METRN: variants seen among roughly 807,000 people sequenced by gnomAD.
METRN encodes the protein meteorin.
METRN carries 17 observed loss-of-function variants against 17.4 expected under a neutral mutation model. That is an observed-to-expected ratio of 0.98 (90% CI 0.67 to 1.46). METRN has a LOEUF of 1.46. METRN is among the 40% of genes most tolerant of loss of function. The pLI is 0.00. For synonymous variants in METRN, 230 were observed against 210.8 expected (o/e 1.09, Z -0.79); for missense variants, 489 against 456.2 (o/e 1.07, Z -0.65).
rs2040151129 is a variant in METRN at position 715,343 on chromosome 16, C to A, written c.54C>A (p.Ala18=). Residue 18 remains alanine, a synonymous_variant, in exon 1 of 4, where the codon GCC becomes GCA. Transcript: ENST00000568223. ...LLCALCCGLL[A]PAARAGYSEE... The stretch of plus-strand genomic sequence containing the variant: ...GCGCGCTGTGCTGCGGCCTCCTGGC[C>A]CCGGCTGCCCGCGCCGGCTACTCCG... 1.5e-6 allele frequency: 2 copies of A among 1,341,628 alleles called. No homozygotes were observed. The highest frequency in any genetic ancestry group is 3.5e-5 in the South Asian group (2 of 56,400). 83.1% of individuals were successfully genotyped at this position (1,341,628 alleles called of 1,614,324 possible). A position where few individuals can be genotyped will look rare whatever the true frequency, so the allele number is the denominator to read the frequency against.
chr16:716,769 A>G, intron 2 of METRN, 164 bp from the exon 3 acceptor site: 5 of 1,533,520 alleles, frequency 3.3e-6, no homozygotes, highest in Non-Finnish European at 4.4e-6. Context: ...GGGCGTGCAC[A>G]TCTGCTGTGT....
chr16:717,352 G>T lies in METRN; in HGVS notation c.847G>T (p.Ala283Ser). The change falls in exon 4 of 4, where the codon GCC becomes TCC. Residue 283 changes from alanine (A) to serine (S), a missense_variant. Coordinates refer to ENST00000568223, the MANE Select transcript of METRN (RefSeq NM_024042.4). Reference sequence around the variant, plus strand: ...CCGTGCCTACGAGGCTGCCCGTGCTGCCCACCTCCACCCCTGCGAGGTGGC... The same window carrying T: ...CCGTGCCTACGAGGCTGCCCGTGCTTCCCACCTCCACCCCTGCGAGGTGGC... ...FRRAYEAARA[A>S]HLHPCEVALH The T allele has an allele frequency of 7.0e-7, 1 of 1,419,746 alleles. No individual in the cohort carries two copies. Among genetic ancestry groups the T allele is most frequent in the Non-Finnish European group, 9.2e-7 (1 of 1,088,882 alleles). 87.9% of individuals were successfully genotyped at this position (1,419,746 alleles called of 1,614,324 possible). A position where few individuals can be genotyped will look rare whatever the true frequency, so the allele number is the denominator to read the frequency against.
rs773462880 is a variant in METRN at position 715,258 on chromosome 16, G to A, written c.-32G>A. 93 of 1,230,502 alleles carry A rather than the reference G, an allele frequency of 7.6e-5. No homozygotes were observed. The highest frequency in any genetic ancestry group is 5.7e-5 in the Non-Finnish European group (55 of 972,794). The allele number at this position is 1,230,502 out of a possible 1,614,324, so 76.2% of individuals were successfully genotyped here. The stretch of plus-strand genomic sequence containing the variant: ...CCCCGCCGGGGCAGCGGTGGTGAGA[G>A]CCCCGACTCCCCGGACGCCGCCCGC... On this transcript the variant is annotated 5_prime_UTR_variant, in exon 1 of 4. Coordinates refer to ENST00000568223, the MANE Select transcript of METRN (RefSeq NM_024042.4).
At chr16:716,005 G>C (rs1191370793) in intron 2 of METRN, 21 bp downstream of exon 2, 2 of 1,444,656 alleles carry the variant, frequency 1.4e-6, no homozygotes, top group Non-Finnish European at 9.1e-7. Flanking sequence ...GTCTGGTTGG[G>C]ACAGGGTGGG....
rs1193020807 is a variant in METRN, at chr16:716,761, G to T, written c.506-172G>T. The T allele has an allele frequency of 5.2e-6, 8 of 1,534,620 alleles. No homozygotes were observed. In the Admixed American group the frequency reaches 1.6e-4, roughly 30 times the overall value. On this transcript the variant is annotated intron_variant, in intron 2 of 3. Coordinates refer to ENST00000568223, the MANE Select transcript of METRN (RefSeq NM_024042.4). ...TTCCTGAGTACAGGTGTCGCCGAGGGCGTGCACATCTGCTGTGTAGCTCTC... is the reference window on the plus strand; with the variant it reads ...TTCCTGAGTACAGGTGTCGCCGAGGTCGTGCACATCTGCTGTGTAGCTCTC...
Position 715,778 on chromosome 16 carries a change from G to T in METRN, c.299G>T (p.Gly100Val). ...AGAQVFAERAGGALELLLAEG... is the reference protein window; with the variant it reads ...AGAQVFAERAVGALELLLAEG... ...GCCCAGGTCTTCGCGGAGCGCGCAG[G>T]GGGCGCCCTGGAGCTGCTGCTGGCC... Residue 100 changes from glycine to valine, a missense_variant, in exon 2 of 4, where the codon GGG (glycine) becomes GTG (valine). Transcript: ENST00000568223. The T allele has an allele frequency of 7.9e-7, 1 of 1,260,434 alleles. No homozygotes were observed. The highest frequency in any genetic ancestry group is 9.9e-7 in the Non-Finnish European group (1 of 1,006,032). 78.1% of individuals were successfully genotyped at this position (1,260,434 alleles called of 1,614,324 possible).
At position 717,499 on chromosome 16, in the gene METRN, T is replaced by C; in HGVS notation, c.*112T>C. 1 of 1,073,504 alleles carries C rather than the reference T, an allele frequency of 9.3e-7. No individual in the cohort carries two copies. Among genetic ancestry groups the C allele is most frequent in the Non-Finnish European group, 1.2e-6 (1 of 808,068 alleles). The allele number at this position is 1,073,504 out of a possible 1,614,324, so 66.5% of individuals were successfully genotyped here. On this transcript the variant is annotated 3_prime_UTR_variant, in exon 4 of 4. Transcript: ENST00000568223. ...CACGCAAGCTGCTGTGGACCTGGTC[T>C]CCTGTGTCCAGCCCAGCCTTGGGCC...
rs2040158111 is a variant in METRN, at chr16:715,951, C to G, written c.472C>G (p.Leu158Val). 1 of 1,498,178 alleles carries G rather than the reference C, an allele frequency of 6.7e-7. No homozygotes were observed. The highest frequency in any genetic ancestry group is 1.2e-5 in the South Asian group (1 of 81,458). 92.8% of individuals were successfully genotyped at this position (1,498,178 alleles called of 1,614,324 possible). A position where few individuals can be genotyped will look rare whatever the true frequency, so the allele number is the denominator to read the frequency against. Residue 158 changes from leucine (L) to valine (V), a missense_variant, in exon 2 of 4, where the codon CTG becomes GTG. Coordinates refer to ENST00000568223, the MANE Select transcript of METRN (RefSeq NM_024042.4). ...GCTGCGCGAGGACGGGCGCCCCGAG[C>G]TGCCCCCGCAGGCCCACGGTCTCGG... ...FELREDGRPE[L>V]PPQAHGLGVD...
chr16:717,775 C>G lies in METRN; in HGVS notation c.*388C>G, dbSNP rs138186865. The stretch of plus-strand genomic sequence containing the variant: ...CCCGCACCCTTGCCTGCTTCCCTGG[C>G]TGGCTCCCACTTGCCTCCCGTGCCA... On this transcript the variant is annotated 3_prime_UTR_variant, in exon 4 of 4. Transcript: ENST00000568223. 1.4e-3 allele frequency: 279 copies of G among 193,132 alleles called. 2 individuals are homozygous for G. Among genetic ancestry groups the G allele is most frequent in the African/African-American group, 5.8e-3 (250 of 43,158 alleles). 12.0% of individuals were successfully genotyped at this position (193,132 alleles called of 1,614,324 possible).
intron 1 of METRN, 72 bp downstream of exon 1, chr16:715,465 G>A (rs987451737): frequency 8.0e-7 from 1 of 1,256,888 alleles, no homozygotes; most frequent in East Asian, 3.2e-5. Context: ...GGCGCCCCTC[G>A]GAGCGCGCAG....
intron 2 of METRN, 94 bp from the exon 3 acceptor site, chr16:716,839 G>A: frequency 2.0e-6 from 3 of 1,492,982 alleles, no homozygotes; most frequent in Admixed American, 2.1e-5. Flanking sequence ...TCATTTGCCT[G>A]CTGCCTCCTG....
chr16:717,067 A>T lies in METRN; in HGVS notation c.566-4A>T, dbSNP rs375623074. 6.2e-7 allele frequency: 1 copy of T among 1,611,252 alleles called. No individual in the cohort carries two copies. The highest frequency in any genetic ancestry group is 8.5e-7 in the Non-Finnish European group (1 of 1,179,152). On this transcript the variant is annotated splice_polypyrimidine_tract_variant and splice_region_variant and intron_variant, in intron 3 of 3. Transcript: ENST00000568223. ...GCCTACCGCAGCCACATGCCTCCCC[A>T]CAGTAATTCACGGGATCATCCATGG... is the stretch of plus-strand genomic sequence containing the variant.
rs1443407974 is a variant in METRN, at chr16:717,410, C to A, written c.*23C>A. 1.7e-6 allele frequency: 2 copies of A among 1,167,674 alleles called. No homozygotes were observed. Among genetic ancestry groups the A allele is most frequent in the Non-Finnish European group, 2.2e-6 (2 of 897,252 alleles). 72.3% of individuals were successfully genotyped at this position (1,167,674 alleles called of 1,614,324 possible). A position where few individuals can be genotyped will look rare whatever the true frequency, so the allele number is the denominator to read the frequency against. On this transcript the variant is annotated 3_prime_UTR_variant, in exon 4 of 4. Coordinates refer to ENST00000568223, the MANE Select transcript of METRN (RefSeq NM_024042.4). Reference sequence around the variant, plus strand: ...TGAGGGGCTGGGTGCTGGGGAGGGGCTGGTAGGAGGGAGGGTGGGCCCACT... The same window carrying A: ...TGAGGGGCTGGGTGCTGGGGAGGGGATGGTAGGAGGGAGGGTGGGCCCACT...
At chr16:716,901 G>A in intron 2 of METRN, 32 bp from the exon 3 acceptor site, 1 of 1,537,674 alleles carries the variant, frequency 6.5e-7, no homozygotes, top group Non-Finnish European at 8.8e-7. Context: ...GAGAGGGCAG[G>A]GCCTCTCCTC....
In METRN at chr16:716,458, G is replaced by A. The variant is rs1002583720; in HGVS notation, c.505+474G>A. On this transcript the variant is annotated intron_variant, in intron 2 of 3. Transcript: ENST00000568223. ...TTGCTTGGCTCTCCTGGAGCTTGGC[G>A]CCTGACCCTGAAAGGGATGGGCTCT... 2.4e-5 allele frequency: 35 copies of A among 1,440,284 alleles called. No homozygotes were observed. In the Admixed American group the frequency reaches 8.0e-4, roughly 33 times the overall value. 89.2% of individuals were successfully genotyped at this position (1,440,284 alleles called of 1,614,324 possible).
chr16:715,661 C>G lies in METRN; in HGVS notation c.182C>G (p.Pro61Arg), dbSNP rs1003621719. 2.8e-6 allele frequency: 4 copies of G among 1,428,620 alleles called. No individual in the cohort carries two copies. Among genetic ancestry groups the G allele is most frequent in the African/African-American group, 3.0e-5 (2 of 66,948 alleles). The allele number at this position is 1,428,620 out of a possible 1,614,324, so 88.5% of individuals were successfully genotyped here. A position where few individuals can be genotyped will look rare whatever the true frequency, so the allele number is the denominator to read the frequency against. Residue 61 changes from proline (P) to arginine (R), a missense_variant, in exon 2 of 4, where the codon CCG becomes CGG. Coordinates refer to ENST00000568223, the MANE Select transcript of METRN (RefSeq NM_024042.4). ...GAGGGCGCGGTTGAGTGGCTGTACC[C>G]GGCTGGGGCGCTGCGCCTGACCCTG... ...CAEGAVEWLY[P>R]AGALRLTLGG...
Position 715,214 on chromosome 16 carries a change from G to C in METRN, c.-76G>C. The stretch of plus-strand genomic sequence containing the variant: ...GCGGCCGGCGCCCCCGGCTGCTCCC[G>C]CCGCCGCCCGGACCCGCGCCCCGCC... On this transcript the variant is annotated 5_prime_UTR_variant, in exon 1 of 4. Coordinates refer to ENST00000568223, the MANE Select transcript of METRN (RefSeq NM_024042.4). 1.3e-6 allele frequency: 1 copy of C among 749,198 alleles called. No homozygotes were observed. Among genetic ancestry groups the C allele is most frequent in the Non-Finnish European group, 1.6e-6 (1 of 610,538 alleles). The allele number at this position is 749,198 out of a possible 1,614,324, so 46.4% of individuals were successfully genotyped here. A position where few individuals can be genotyped will look rare whatever the true frequency, so the allele number is the denominator to read the frequency against.
Position 715,264 on chromosome 16 carries a change from A to G in METRN, c.-26A>G, listed in dbSNP as rs1033982236. On this transcript the variant is annotated 5_prime_UTR_variant, in exon 1 of 4. Coordinates refer to ENST00000568223, the MANE Select transcript of METRN (RefSeq NM_024042.4). ...CGGGGCAGCGGTGGTGAGAGCCCCG[A>G]CTCCCCGGACGCCGCCCGCCGTGCC... is the stretch of plus-strand genomic sequence containing the variant. The G allele has an allele frequency of 9.5e-6, 12 of 1,257,986 alleles. No homozygotes were observed. The African/African-American group carries it at 1.3e-4, about 13-fold the overall frequency. The allele number at this position is 1,257,986 out of a possible 1,614,324, so 77.9% of individuals were successfully genotyped here. A position where few individuals can be genotyped will look rare whatever the true frequency, so the allele number is the denominator to read the frequency against.
chr16:716,797 AG>A (rs1256287139), intron 2 of METRN, 135 bp from the exon 3 acceptor site: 1 of 1,518,010 alleles, frequency 6.6e-7, no homozygotes, highest in African/African-American at 1.4e-5. Flanking sequence ...TGGGACCCCC[AG>A]GTGCCATCAG....
Sources: allele counts gnomAD v4.1 joint callset, GRCh38; gene constraint gnomAD v4.1.1; transcripts MANE v1.5; gene names NCBI Gene and HGNC (gene_info 2026-07-23, HGNC 2026-07-21).